The following PARL variants were observed in gnomAD, a reference collection of about 807,000 sequenced individuals.
PARL encodes the protein presenilin associated rhomboid like.
In PARL, 44 loss-of-function variants were observed where a neutral mutation model predicts 51.6. That is an observed-to-expected ratio of 0.85 (90% confidence interval 0.67 to 1.10). The LOEUF (loss-of-function observed/expected upper bound fraction) is 1.10. Ranked by LOEUF, PARL falls within the 50% of genes least tolerant of loss-of-function variation. The pLI is 0.00. For synonymous variants in PARL, 172 were observed against 164.0 expected (o/e 1.05, Z -0.37); for missense variants, 441 against 469.5 (o/e 0.94, Z 0.56).
At chr3:183,864,283 G>A (rs1231033128) in intron 3 of PARL, among the ~76,000 whole-genome samples, 4 of 152,106 alleles carry the variant, frequency 2.6e-5, no homozygotes, top group Non-Finnish European at 5.9e-5. Context: ...AAAAGAAAAT[G>A]CAAGGCTTCC....
chr3:183,840,512 T>C (rs1729165269), intron 7 of PARL, 58 bp downstream of exon 7: 1 of 821,262 alleles, frequency 1.2e-6, no homozygotes, highest in Non-Finnish European at 2.0e-6. Context: ...AAGTCTAAAC[T>C]TATTTCAAAG....
chr3:183,874,741 T>C (rs996948397), intron 1 of PARL, among the ~76,000 whole-genome samples: 1 of 152,198 alleles, frequency 6.6e-6, no homozygotes, highest in Non-Finnish European at 1.5e-5. Context: ...GGCCAGGAGC[T>C]AAGCCTCTGG....
At chr3:183,874,433 G>C (rs1476180797) in intron 1 of PARL, among the ~76,000 whole-genome samples, 1 of 147,816 alleles carries the variant, frequency 6.8e-6, no homozygotes, top group Non-Finnish European at 1.5e-5. Flanking sequence ...TTTTGAGATG[G>C]AGTTTTGCTC....
chr3:183,843,574 T>C (rs964969484), intron 5 of PARL, among the ~76,000 whole-genome samples: 3 of 152,176 alleles, frequency 2.0e-5, no homozygotes, highest in Non-Finnish European at 2.9e-5. Flanking sequence ...CTCACGCCTA[T>C]AATCCCAGCA....
intron 4 of PARL, among the ~76,000 whole-genome samples, chr3:183,847,084 G>A (rs577587739): frequency 4.6e-4 from 70 of 152,346 alleles, no homozygotes; most frequent in African/African-American, 1.5e-3. Flanking sequence ...AAGCGGATGA[G>A]CATGAGAGGA....
intron 4 of PARL, among the ~76,000 whole-genome samples, chr3:183,855,791 C>A (rs1383879226): frequency 6.6e-6 from 1 of 151,950 alleles, no homozygotes; most frequent in African/African-American, 2.4e-5. Flanking sequence ...AAAACCCTGT[C>A]TCTACTAAAA....
intron 1 of PARL, among the ~76,000 whole-genome samples, chr3:183,874,715 G>A (rs550282024): frequency 1.3e-5 from 2 of 152,318 alleles, no homozygotes; most frequent in South Asian, 4.1e-4. Context: ...AAGAAGGCAT[G>A]TCAAAAGCTG....
At chr3:183,870,814 A>G (rs1294197359) in intron 1 of PARL, among the ~76,000 whole-genome samples, 1 of 152,004 alleles carries the variant, frequency 6.6e-6, no homozygotes, top group Non-Finnish European at 1.5e-5. Context: ...TGCAGTTCCT[A>G]TGATCTGTTT....
At chr3:183,877,006 G>T (rs186996809) in intron 1 of PARL, among the ~76,000 whole-genome samples, 1 of 152,254 alleles carries the variant, frequency 6.6e-6, no homozygotes, top group Non-Finnish European at 1.5e-5. Context: ...GAGGTCAGGA[G>T]TTCGAGACCA....
chr3:183,833,443 G>T, intron 9 of PARL, 49 bp downstream of exon 9: 1 of 1,099,538 alleles, frequency 9.1e-7, no homozygotes, highest in Non-Finnish European at 1.4e-6. Flanking sequence ...GGTAGGAGGA[G>T]CGCATGACCC....
chr3:183,882,423 A>T, intron 1 of PARL, among the ~76,000 whole-genome samples: 1 of 149,778 alleles, frequency 6.7e-6, no homozygotes, highest in South Asian at 2.1e-4. Context: ...ATATAGAGAG[A>T]GAGAGAGAGA....
At chr3:183,866,796 A>C (rs770074140) in intron 2 of PARL, 31 bp from the exon 3 acceptor site, 1 of 1,452,794 alleles carries the variant, frequency 6.9e-7, no homozygotes, top group African/African-American at 1.4e-5. Context: ...TACAAAATAG[A>C]TTTAAGAGGG....
At chr3:183,834,679 TACC>T (rs1229439662) in intron 7 of PARL, among the ~76,000 whole-genome samples, 1 of 152,068 alleles carries the variant, frequency 6.6e-6, no homozygotes, top group African/African-American at 2.4e-5. Context: ...TGTCAAAGCT[TACC>T]AAACTTTAAA....
At chr3:183,863,431 A>G (rs566131392) in intron 3 of PARL, among the ~76,000 whole-genome samples, 3 of 151,956 alleles carry the variant, frequency 2.0e-5, no homozygotes, top group African/African-American at 7.3e-5. Context: ...GCTGGACGAT[A>G]ATGATTCATC....
chr3:183,869,394 T>TA (rs1732906004), intron 1 of PARL, among the ~76,000 whole-genome samples: 1 of 151,878 alleles, frequency 6.6e-6, no homozygotes, highest in Non-Finnish European at 1.5e-5. Flanking sequence ...TTTTAGTAGA[T>TA]ATGGGGTTTC....
chr3:183,840,661 C>T (rs1405012524), intron 6 of PARL, 21 bp from the exon 7 acceptor site: 2 of 1,266,754 alleles, frequency 1.6e-6, no homozygotes, highest in East Asian at 2.3e-5. Flanking sequence ...AGTCACATTA[C>T]AATAATTTAA....
In PARL at chr3:183,846,456, G is replaced by A. The variant is rs867040095; in HGVS notation, c.512-2130C>T. 1.5e-5 allele frequency: 13 copies of A among 887,664 alleles called. No individual in the cohort carries two copies. The African/African-American group carries it at 2.4e-4, about 16-fold the overall frequency. 55.0% of individuals were successfully genotyped at this position (887,664 alleles called of 1,614,324 possible). ...TGAGGTGAGCCGAGATCACGCCATT[G>A]CACTCCAGCCTGGGCAACAAGAGGG... is the stretch of plus-strand genomic sequence containing the variant. On this transcript the variant is annotated intron_variant, in intron 4 of 9. Transcript: ENST00000317096.
chr3:183,872,360 G>C (rs1733317698), intron 1 of PARL, among the ~76,000 whole-genome samples: 1 of 152,124 alleles, frequency 6.6e-6, no homozygotes, highest in Non-Finnish European at 1.5e-5. Flanking sequence ...AAATCACAGT[G>C]AGGAAAGTGA....
intron 9 of PARL, among the ~76,000 whole-genome samples, chr3:183,830,496 G>A (rs891927674): frequency 1.3e-5 from 2 of 152,320 alleles, no homozygotes; most frequent in South Asian, 2.1e-4. Flanking sequence ...GAGGGCACTG[G>A]GGGTAGAGAA....
Sources: allele counts gnomAD v4.1 joint callset (sites outside exome capture counted in the v4.1 genomes callset), GRCh38; gene constraint gnomAD v4.1.1; transcripts MANE v1.5; gene names NCBI Gene and HGNC (gene_info 2026-07-23, HGNC 2026-07-21).